DSCAM: variants seen among roughly 807,000 people sequenced by gnomAD.
DSCAM encodes cell adhesion molecule DSCAM.
Under a neutral mutation model 217.7 loss-of-function variants are expected in DSCAM, and 47 were observed. That is an observed-to-expected ratio of 0.22 (90% CI 0.17 to 0.28). The LOEUF is 0.28. Among genes scored for constraint, DSCAM ranks in the 10% least tolerant of loss-of-function variants. The pLI is 1.00. For missense variants in DSCAM, 2,080 were observed against 2,618.3 expected (o/e 0.79, Z 4.49); for synonymous variants, 1,056 against 1,015.3 (o/e 1.04, Z -0.76).
chr21:40,566,553 C>T (rs1344822243), intron 3 of DSCAM, among the ~76,000 whole-genome samples: 2 of 152,216 alleles, frequency 1.3e-5, no homozygotes, highest in Non-Finnish European at 2.9e-5. Context: ...TTGAATTCAT[C>T]ATGCACTGGA....
chr21:40,437,449 T>A (rs919920214), intron 3 of DSCAM, among the ~76,000 whole-genome samples: 5 of 152,190 alleles, frequency 3.3e-5, no homozygotes, highest in Non-Finnish European at 7.3e-5. Context: ...AGCAATTACA[T>A]AATCTTAGTG....
At chr21:40,090,596 C>T (rs1384645238) in intron 21 of DSCAM, among the ~76,000 whole-genome samples, 1 of 152,196 alleles carries the variant, frequency 6.6e-6, no homozygotes. Context: ...GAATCCACAG[C>T]CTAACACCCT....
intron 3 of DSCAM, among the ~76,000 whole-genome samples, chr21:40,477,869 A>G (rs73902644): frequency 0.018 from 2,731 of 152,248 alleles, 83 homozygotes; most frequent in African/African-American, 0.061. Flanking sequence ...GTAAAGTGTA[A>G]TATACCTAGA....
At chr21:40,153,913 C>T (rs112124899) in intron 16 of DSCAM, among the ~76,000 whole-genome samples, 180 of 152,264 alleles carry the variant, frequency 1.2e-3, no homozygotes, top group Non-Finnish European at 2.1e-3. Flanking sequence ...AGCCCATTTT[C>T]CTGGTTCTTG....
At chr21:40,287,464 G>T (rs2073842416) in intron 10 of DSCAM, among the ~76,000 whole-genome samples, 2 of 152,220 alleles carry the variant, frequency 1.3e-5, no homozygotes, top group Non-Finnish European at 2.9e-5. Flanking sequence ...GAGGGAAGTT[G>T]TGGGCAGGAT....
chr21:40,506,592 A>T (rs1015896700), intron 3 of DSCAM, among the ~76,000 whole-genome samples: 6 of 152,186 alleles, frequency 3.9e-5, no homozygotes, highest in Admixed American at 6.5e-5. Flanking sequence ...TTCCAACACC[A>T]CACTGTCGAG....
intron 1 of DSCAM, among the ~76,000 whole-genome samples, chr21:40,767,312 T>C (rs574459098): frequency 6.6e-6 from 1 of 152,158 alleles, no homozygotes; most frequent in East Asian, 1.9e-4. Context: ...GTAGAATTGG[T>C]GACGTGAGAA....
At chr21:40,359,215 G>A (rs974652041) in intron 4 of DSCAM, among the ~76,000 whole-genome samples, 3 of 152,154 alleles carry the variant, frequency 2.0e-5, no homozygotes, top group Admixed American at 6.5e-5. Context: ...TACATCTCAC[G>A]TAAAAATGGC....
chr21:40,814,468 A>G (rs1325587728), intron 1 of DSCAM, among the ~76,000 whole-genome samples: 1 of 152,248 alleles, frequency 6.6e-6, no homozygotes, highest in Non-Finnish European at 1.5e-5. Flanking sequence ...TGCTGTGACA[A>G]AAGAAATACT....
At chr21:40,795,300 C>T (rs2091682081) in intron 1 of DSCAM, among the ~76,000 whole-genome samples, 1 of 152,200 alleles carries the variant, frequency 6.6e-6, no homozygotes, top group Admixed American at 6.5e-5. Flanking sequence ...TATAATCTCA[C>T]TCCACCAAGT....
chr21:40,110,645 G>A (rs2089886000), intron 20 of DSCAM, among the ~76,000 whole-genome samples: 1 of 152,138 alleles, frequency 6.6e-6, no homozygotes, highest in Admixed American at 6.5e-5. Context: ...TTGAACCCAT[G>A]GCAAAGAAGT....
intron 3 of DSCAM, among the ~76,000 whole-genome samples, chr21:40,537,643 T>C (rs2076509751): frequency 1.3e-5 from 2 of 151,994 alleles, no homozygotes; most frequent in African/African-American, 4.8e-5. Context: ...TCTTTATAAA[T>C]AGGAGAAATT....
chr21:40,197,148 T>C (rs1175423076), intron 11 of DSCAM, among the ~76,000 whole-genome samples: 1 of 152,168 alleles, frequency 6.6e-6, no homozygotes, highest in Non-Finnish European at 1.5e-5. Context: ...AGACGGAGTC[T>C]TGCTCTGTGG....
chr21:40,516,778 A>G (rs2076302918), intron 3 of DSCAM, among the ~76,000 whole-genome samples: 1 of 151,832 alleles, frequency 6.6e-6, no homozygotes, highest in South Asian at 2.1e-4. Context: ...GAGAAATTTG[A>G]TGGGCTTTTT....
chr21:40,566,126 C>A (rs1057359933), intron 3 of DSCAM, among the ~76,000 whole-genome samples: 1 of 152,134 alleles, frequency 6.6e-6, no homozygotes, highest in Admixed American at 6.6e-5. Context: ...TATTGTCCTA[C>A]ATTTCATGTT....
chr21:40,650,787 G>A (rs574879988), intron 3 of DSCAM, among the ~76,000 whole-genome samples: 37 of 152,286 alleles, frequency 2.4e-4, no homozygotes, highest in African/African-American at 6.0e-4. Context: ...GGTGGTGTGC[G>A]CCTTTAGTCC....
chr21:40,624,758 ACACATCCAAAAG>A (rs59596901), intron 3 of DSCAM, among the ~76,000 whole-genome samples: 93,276 of 151,680 alleles, frequency 0.61, 30,925 homozygotes, highest in Non-Finnish European at 0.74. Flanking sequence ...TTGTGTGCAT[ACACATCCAAAAG>A]CACATCCACA....
chr21:40,845,773 T>C (rs1225337350), intron 1 of DSCAM, among the ~76,000 whole-genome samples: 1 of 152,218 alleles, frequency 6.6e-6, no homozygotes, highest in African/African-American at 2.4e-5. Context: ...CAATTTCCTC[T>C]GGTTCCCACA....
At chr21:40,230,484 A>C (rs1313135492) in intron 11 of DSCAM, among the ~76,000 whole-genome samples, 1 of 152,164 alleles carries the variant, frequency 6.6e-6, no homozygotes, top group Admixed American at 6.5e-5. Context: ...CGATGGGACC[A>C]GTCATAGTGG....
Sources: gnomAD v4.1 joint callset for allele counts (sites outside exome capture counted in the v4.1 genomes callset) on GRCh38, gnomAD v4.1.1 for gene constraint, MANE v1.5 for transcripts, NCBI Gene and HGNC (gene_info 2026-07-23, HGNC 2026-07-21) for gene names.